The following SLC7A2 variants were observed in gnomAD, a reference collection of about 807,000 sequenced individuals.
The protein encoded by SLC7A2 is solute carrier family 7 member 2, also known as cationic amino acid transporter 2.
In SLC7A2, 48 loss-of-function variants were observed where a neutral mutation model predicts 58.9. That is an observed-to-expected ratio of 0.82 (90% confidence interval 0.65 to 1.04). SLC7A2 has a LOEUF of 1.04. Among genes scored for constraint, SLC7A2 ranks in the 50% least tolerant of loss-of-function variants. The probability of loss-of-function intolerance (pLI) is 0.00; values close to 1 mark genes in which losing one functional copy is unlikely to be tolerated. For synonymous variants in SLC7A2, 363 were observed against 314.5 expected (o/e 1.15, Z -1.63); for missense variants, 1,029 against 818.8 (o/e 1.26, Z -3.13).
At chr8:17,544,667 G>C in intron 4 of SLC7A2, 61 bp downstream of exon 4, 1 of 1,478,036 alleles carries the variant, frequency 6.8e-7, no homozygotes, top group Admixed American at 1.9e-5. Context: ...CAGGAAAATA[G>C]GTTACTTCTG....
intron 2 of SLC7A2, among the ~76,000 whole-genome samples, chr8:17,519,728 CT>C (rs1393171943): frequency 6.6e-6 from 1 of 152,204 alleles, no homozygotes; most frequent in South Asian, 2.1e-4. Flanking sequence ...TTCAGGGTCA[CT>C]TACCTAAAGA....
intron 2 of SLC7A2, among the ~76,000 whole-genome samples, chr8:17,527,730 TTTC>T (rs1801276269): frequency 6.6e-6 from 1 of 152,186 alleles, no homozygotes; most frequent in African/African-American, 2.4e-5. Context: ...CACATGGCAT[TTTC>T]TTCTTCTTAT....
rs570886044 is a variant in SLC7A2, at chr8:17,502,829, G to A, written c.-23+527G>A. On this transcript the variant is annotated intron_variant, in intron 2 of 12. Transcript: ENST00000494857. ...TAATCATAATTCTTCACGGCACACT[G>A]CTATAATACCATGATTGGTTCTTAC... Among the ~76,000 whole-genome samples, 51 of 152,188 alleles carry A rather than the reference G, an allele frequency of 3.4e-4. 1 individual carries two copies. The highest frequency in any genetic ancestry group is 1.2e-3 in the African/African-American group (51 of 41,522).
chr8:17,547,251 C>T (rs1213070330), intron 4 of SLC7A2, among the ~76,000 whole-genome samples: 3 of 152,010 alleles, frequency 2.0e-5, no homozygotes, highest in Non-Finnish European at 2.9e-5. Context: ...GAACGTCTCA[C>T]GGGGTGTCAG....
At chr8:17,520,356 C>G (rs1347298009) in intron 2 of SLC7A2, among the ~76,000 whole-genome samples, 1 of 151,950 alleles carries the variant, frequency 6.6e-6, no homozygotes, top group African/African-American at 2.4e-5. Flanking sequence ...TAAAAAATAT[C>G]ATGGCTGGGT....
At chr8:17,530,675 C>G (rs914613910) in intron 2 of SLC7A2, among the ~76,000 whole-genome samples, 2 of 151,502 alleles carry the variant, frequency 1.3e-5, no homozygotes, top group African/African-American at 4.9e-5. Flanking sequence ...TAGGTTCAAG[C>G]GTTTCTCCTG....
At chr8:17,553,183 G>A (rs1403044520) in intron 7 of SLC7A2, among the ~76,000 whole-genome samples, 2 of 152,064 alleles carry the variant, frequency 1.3e-5, no homozygotes, top group African/African-American at 4.8e-5. Flanking sequence ...CTCCTGAGTA[G>A]CTAGGATACA....
intron 2 of SLC7A2, among the ~76,000 whole-genome samples, chr8:17,528,137 G>A (rs1801293321): frequency 6.6e-6 from 1 of 152,136 alleles, no homozygotes; most frequent in Non-Finnish European, 1.5e-5. Context: ...GGCAGCTCAA[G>A]TGGAGGAGGA....
chr8:17,546,635 C>G (rs1038368760), intron 4 of SLC7A2, among the ~76,000 whole-genome samples: 1 of 152,142 alleles, frequency 6.6e-6, no homozygotes, highest in Non-Finnish European at 1.5e-5. Context: ...ATTACAGAGT[C>G]AGGAATTGTG....
intron 10 of SLC7A2, among the ~76,000 whole-genome samples, chr8:17,561,200 A>T (rs1802964338): frequency 6.6e-6 from 1 of 152,232 alleles, no homozygotes; most frequent in African/African-American, 2.4e-5. Context: ...AGTCTGTATT[A>T]GTCTGTTCTC....
Position 17,545,175 on chromosome 8 carries a change from A to G in SLC7A2, c.532+569A>G, listed in dbSNP as rs1802103967. ...TGGTTTTAGGAGGCACAGGAATTCT[A>G]ATAACCACATTTCAATCCTGCTGTG... On this transcript the variant is annotated intron_variant, in intron 4 of 12. Coordinates refer to ENST00000494857, the MANE Select transcript of SLC7A2 (RefSeq NM_001370338.1). 2.0e-5 allele frequency among the ~76,000 whole-genome samples: 3 copies of G among 152,116 alleles called. No homozygotes were observed. In the South Asian group the frequency reaches 6.2e-4, roughly 31 times the overall value.
rs79888671 is a variant in SLC7A2 at position 17,503,458 on chromosome 8, T to A, written c.-23+1156T>A. Among the ~76,000 whole-genome samples, 102 of 152,366 alleles carry A rather than the reference T, an allele frequency of 6.7e-4. 1 individual carries two copies. In the East Asian group the frequency reaches 0.016, roughly 23 times the overall value. On this transcript the variant is annotated intron_variant, in intron 2 of 12. Coordinates refer to ENST00000494857, the MANE Select transcript of SLC7A2 (RefSeq NM_001370338.1). ...CACTTTATATTCACTCCCGCGGTGT[T>A]CCTTATCTGTTCTAGCAAAGAGTAC...
intron 2 of SLC7A2, among the ~76,000 whole-genome samples, chr8:17,503,067 T>C (rs1378971393): frequency 3.3e-5 from 5 of 152,160 alleles, no homozygotes; most frequent in African/African-American, 9.7e-5. Flanking sequence ...TTTATTTTTT[T>C]TGAGACAGAG....
At chr8:17,544,321 C>T in intron 3 of SLC7A2, 130 bp from the exon 4 acceptor site, 1 of 646,138 alleles carries the variant, frequency 1.5e-6, no homozygotes, top group Non-Finnish European at 2.7e-6. Flanking sequence ...TTATAAATAT[C>T]CAGATACTGT....
intron 2 of SLC7A2, among the ~76,000 whole-genome samples, chr8:17,537,380 G>T (rs1801715239): frequency 6.6e-6 from 1 of 152,150 alleles, no homozygotes; most frequent in South Asian, 2.1e-4. Context: ...CTGCCAGCCT[G>T]TGGGTTTCTG....
intron 10 of SLC7A2, among the ~76,000 whole-genome samples, chr8:17,561,682 A>T (rs1299180471): frequency 6.6e-6 from 1 of 152,222 alleles, no homozygotes; most frequent in South Asian, 2.1e-4. Flanking sequence ...GTGGGCAGAT[A>T]ATGCCAGTGA....
chr8:17,536,917 T>G (rs1410958347), intron 2 of SLC7A2, among the ~76,000 whole-genome samples: 2 of 152,100 alleles, frequency 1.3e-5, no homozygotes, highest in Non-Finnish European at 2.9e-5. Context: ...TCGGGGAATC[T>G]TGCACACCCA....
chr8:17,501,419 G>T (rs1291698137), intron 1 of SLC7A2, among the ~76,000 whole-genome samples: 1 of 152,188 alleles, frequency 6.6e-6, no homozygotes. Flanking sequence ...GAAGATTTGA[G>T]TTAATAAGGC....
chr8:17,528,485 A>G lies in SLC7A2; in HGVS notation c.-22-14833A>G, dbSNP rs910993637. Reference sequence around the variant, plus strand: ...CTGCAGCCTCTACCTCCTGGACTCAAGGGATCCTCCCACTTGAGCCTCCCC... The same window carrying G: ...CTGCAGCCTCTACCTCCTGGACTCAGGGGATCCTCCCACTTGAGCCTCCCC... On this transcript the variant is annotated intron_variant, in intron 2 of 12. Transcript: ENST00000494857. 5.9e-5 allele frequency among the ~76,000 whole-genome samples: 9 copies of G among 152,120 alleles called. No homozygotes were observed. In the South Asian group the frequency reaches 1.5e-3, roughly 25 times the overall value.
Sources: gnomAD v4.1 joint callset for allele counts (sites outside exome capture counted in the v4.1 genomes callset) on GRCh38, gnomAD v4.1.1 for gene constraint, MANE v1.5 for transcripts, NCBI Gene and HGNC (gene_info 2026-07-23, HGNC 2026-07-21) for gene names.